The following PRKCQ variants were observed in gnomAD, a reference collection of about 807,000 sequenced individuals.
PRKCQ encodes the protein protein kinase C theta type.
In PRKCQ, 41 loss-of-function variants were observed where a neutral mutation model predicts 91.2. The ratio of observed to expected loss-of-function variants is 0.45; its 90% CI spans 0.35 to 0.58. PRKCQ has a LOEUF of 0.58. Ranked by LOEUF, PRKCQ falls within the 20% of genes least tolerant of loss-of-function variation. The pLI, the probability that PRKCQ is intolerant of heterozygous loss-of-function variation, is 0.00. For missense variants in PRKCQ, 673 were observed against 896.5 expected, an observed-to-expected ratio of 0.75 and a Z score of 3.18; for synonymous variants, 307 against 316.9, an observed-to-expected ratio of 0.97 and a Z score of 0.33.
intron 8 of PRKCQ, among the ~76,000 whole-genome samples, chr10:6,489,707 C>A: frequency 6.8e-6 from 1 of 147,980 alleles, no homozygotes; most frequent in East Asian, 2.0e-4. Context: ...CAAACCAGGG[C>A]AGGGGAGGGA....
the PRKCQ span, among the ~76,000 whole-genome samples, chr10:6,409,998 T>C: frequency 2.1e-4 from 32 of 152,182 alleles, no homozygotes; most frequent in African/African-American, 6.5e-4. Flanking sequence ...AGCTTCTCCA[T>C]TGGAAGAAGA....
intron 14 of PRKCQ, among the ~76,000 whole-genome samples, chr10:6,461,716 C>T (rs1264118209): frequency 6.6e-6 from 1 of 152,202 alleles, no homozygotes. Flanking sequence ...TCACTAGATC[C>T]TTTCTTTTTT....
chr10:6,488,104 T>C (rs1488968022), intron 8 of PRKCQ, among the ~76,000 whole-genome samples: 1 of 152,028 alleles, frequency 6.6e-6, no homozygotes, highest in Non-Finnish European at 1.5e-5. Flanking sequence ...TAGAGAGTGT[T>C]GTAATAGAAG....
chr10:6,471,606 TG>T (rs1384494545), intron 12 of PRKCQ, among the ~76,000 whole-genome samples: 3 of 151,938 alleles, frequency 2.0e-5, no homozygotes, highest in African/African-American at 7.3e-5. Context: ...AAAAATTAGC[TG>T]GGCGCAGTGG....
At position 6,491,681 on chromosome 10, in the gene PRKCQ, AC is replaced by A. The variant is rs1259890801; in HGVS notation, c.790+1del. The A allele has an allele frequency of 6.2e-7, 1 of 1,614,024 alleles. No individual in the cohort carries two copies. Among genetic ancestry groups the A allele is most frequent in the Non-Finnish European group, 8.5e-7 (1 of 1,180,008 alleles). On this transcript the variant is annotated splice_donor_variant, in intron 8 of 17. Transcript: ENST00000263125. LOFTEE classifies it high-confidence loss of function. ...GCCATGCTCATCCCCCACTGGACTCACCATCACACTTGAGTCCTTGCCGTGC... is the reference window on the plus strand; with the variant it reads ...GCCATGCTCATCCCCCACTGGACTCACATCACACTTGAGTCCTTGCCGTGC...
rs1445752503 is a variant in PRKCQ, at chr10:6,498,524, G to T, written c.414C>A (p.Gly138=). ...CCCGGCGCTGATGCAAAGCAAAGAA[G>T]CCTTCCGTCTCAAATTCATTCATGT... ...TKDMNEFETE[G]FFALHQRRGA... The change falls in exon 5 of 18, where the codon GGC becomes GGA. Residue 138 remains glycine, a synonymous_variant. Transcript: ENST00000263125. 1.2e-6 allele frequency: 2 copies of T among 1,614,110 alleles called. No individual in the cohort carries two copies. The highest frequency in any genetic ancestry group is 8.5e-7 in the Non-Finnish European group (1 of 1,179,994).
At chr10:6,447,916 G>A (rs1223105307) in intron 15 of PRKCQ, among the ~76,000 whole-genome samples, 3 of 152,198 alleles carry the variant, frequency 2.0e-5, no homozygotes, top group Non-Finnish European at 4.4e-5. Flanking sequence ...CACTGAGGAG[G>A]GAGAACACAG....
intron 1 of PRKCQ, among the ~76,000 whole-genome samples, chr10:6,573,307 A>G (rs1011026466): frequency 6.6e-6 from 1 of 152,236 alleles, no homozygotes; most frequent in Non-Finnish European, 1.5e-5. Flanking sequence ...TGCTGAACAC[A>G]GCTGAGATGA....
chr10:6,396,773 A>G, the PRKCQ span, among the ~76,000 whole-genome samples: 2 of 152,246 alleles, frequency 1.3e-5, no homozygotes, highest in Admixed American at 1.3e-4. Flanking sequence ...TGACTAGGAC[A>G]TATGTTTTCA....
At chr10:6,453,363 C>T (rs896739753) in intron 15 of PRKCQ, among the ~76,000 whole-genome samples, 1 of 152,174 alleles carries the variant, frequency 6.6e-6, no homozygotes, top group African/African-American at 2.4e-5. Context: ...TTCAAAACCA[C>T]AATGAGATAC....
intron 14 of PRKCQ, among the ~76,000 whole-genome samples, chr10:6,457,024 A>G (rs542438989): frequency 1.3e-5 from 2 of 152,292 alleles, no homozygotes; most frequent in East Asian, 1.9e-4. Context: ...TCTCTGATTT[A>G]CCAAGGGGTG....
At chr10:6,503,142 G>A (rs510745) in intron 4 of PRKCQ, among the ~76,000 whole-genome samples, 11,821 of 152,286 alleles carry the variant, frequency 0.078, 607 homozygotes, top group Middle Eastern at 0.18. Context: ...TATCATGGGA[G>A]CCAGGCTAGG....
Position 6,495,115 on chromosome 10 carries a change from C to T in PRKCQ, c.660+1920G>A, listed in dbSNP as rs560747199. On this transcript the variant is annotated intron_variant, in intron 7 of 17. Transcript: ENST00000263125. ...TGCCCCTTTGCTCCACCTCTGCTGACGTCTCACTGGTATAAACCACCAACC... is the reference window on the plus strand; with the variant it reads ...TGCCCCTTTGCTCCACCTCTGCTGATGTCTCACTGGTATAAACCACCAACC... Among the ~76,000 whole-genome samples the T allele has an allele frequency of 9.5e-4, 144 of 152,308 alleles. 1 individual carries two copies. Among genetic ancestry groups the T allele is most frequent in the African/African-American group, 2.9e-3 (120 of 41,550 alleles).
intron 1 of PRKCQ, among the ~76,000 whole-genome samples, chr10:6,565,636 C>A (rs1840812662): frequency 6.6e-6 from 1 of 152,136 alleles, no homozygotes; most frequent in African/African-American, 2.4e-5. Flanking sequence ...TCCTAAAGCA[C>A]TTTTAGTCGC....
chr10:6,425,643 G>T (rs780615515), downstream of PRKCQ, among the ~76,000 whole-genome samples: 12 of 152,086 alleles, frequency 7.9e-5, no homozygotes, highest in Non-Finnish European at 1.3e-4. Flanking sequence ...AAGCTTGTTA[G>T]TCACCTGACA....
the PRKCQ span, among the ~76,000 whole-genome samples, chr10:6,397,310 G>T: frequency 6.6e-6 from 1 of 152,136 alleles, no homozygotes; most frequent in Non-Finnish European, 1.5e-5. Flanking sequence ...GGCCAAGCTG[G>T]TCTCGAACTC....
At position 6,486,106 on chromosome 10, in the gene PRKCQ, C is replaced by T. The variant is rs1235800938; in HGVS notation, c.829G>A (p.Val277Met). The change falls in exon 9 of 18, where the codon GTG becomes ATG. Residue 277 changes from valine (V) to methionine (M), a missense_variant. Val to Met is a conservative substitution (Grantham distance 21). Transcript: ENST00000263125. ...TGGTTTATGCCACAAAGGTTGGCCA[C>T]CTTTGTCTGGCATCTATGATGCACA... ...MNVHHRCQTK[V>M]ANLCGINQKL... 9 of 1,614,046 alleles carry T rather than the reference C, an allele frequency of 5.6e-6. No homozygotes were observed. Among genetic ancestry groups the T allele is most frequent in the Non-Finnish European group, 7.6e-6 (9 of 1,180,048 alleles).
At chr10:6,437,301 T>A (rs1833743236) in intron 16 of PRKCQ, among the ~76,000 whole-genome samples, 1 of 152,180 alleles carries the variant, frequency 6.6e-6, no homozygotes, top group South Asian at 2.1e-4. Context: ...GGGCTAGAAG[T>A]CTCACATGAA....
the PRKCQ span, among the ~76,000 whole-genome samples, chr10:6,397,510 T>C: frequency 6.6e-6 from 1 of 152,274 alleles, no homozygotes; most frequent in Non-Finnish European, 1.5e-5. Flanking sequence ...TCTCCTAGTC[T>C]CTTGGCTGTC....
Sources: gnomAD v4.1 joint callset for allele counts (sites outside exome capture counted in the v4.1 genomes callset) on GRCh38, gnomAD v4.1.1 for gene constraint, MANE v1.5 for transcripts, NCBI Gene and HGNC (gene_info 2026-07-23, HGNC 2026-07-21) for gene names.